Variants in SMIM36 observed in about 807,000 individuals in gnomAD.
SMIM36 encodes small integral membrane protein 36.
At chr17:55,515,084 G>GTTTTTTTTTTTTT (rs1567874075), upstream of SMIM36, among the ~76,000 whole-genome samples, 7 of 56,104 alleles carry the variant, frequency 1.2e-4, 2 homozygotes, top group Non-Finnish European at 2.8e-4. Context: ...TTCTAGTCTA[G>GTTTTTTTTTTTTT]TGTTTTTTTT....
intron 1 of SMIM36, among the ~76,000 whole-genome samples, chr17:55,498,263 G>A (rs1285890892): frequency 6.6e-6 from 1 of 152,126 alleles, no homozygotes; most frequent in Non-Finnish European, 1.5e-5. Context: ...TTCAAAATAA[G>A]ATTACATCCT....
chr17:55,486,315 G>A (rs1359826286), intron 1 of SMIM36, among the ~76,000 whole-genome samples: 1 of 152,128 alleles, frequency 6.6e-6, no homozygotes, highest in African/African-American at 2.4e-5. Flanking sequence ...AGGATTACAG[G>A]CGTGAGCTAT....
intron 3 of SMIM36, among the ~76,000 whole-genome samples, chr17:55,475,858 G>C (rs1909418440): frequency 6.6e-6 from 1 of 151,722 alleles, no homozygotes; most frequent in Non-Finnish European, 1.5e-5. Flanking sequence ...TATGACAAAT[G>C]CTCCTTCTCT....
the SMIM36 span, among the ~76,000 whole-genome samples, chr17:55,523,961 GGTTT>G: frequency 6.6e-6 from 1 of 151,762 alleles, no homozygotes; most frequent in Admixed American, 6.6e-5. Flanking sequence ...TACACGTGCA[GGTTT>G]GTTACATAGG....
chr17:55,466,710 T>C (rs556185852), intron 4 of SMIM36, among the ~76,000 whole-genome samples: 8 of 152,248 alleles, frequency 5.3e-5, no homozygotes, highest in African/African-American at 1.7e-4. Flanking sequence ...GGAGCTTTCA[T>C]TGAAGTGATT....
the SMIM36 span, among the ~76,000 whole-genome samples, chr17:55,516,607 G>A: frequency 2.3e-3 from 330 of 143,404 alleles, 2 homozygotes; most frequent in African/African-American, 8.5e-3. Context: ...CACCCAGGCT[G>A]GAGTGCAATG....
chr17:55,483,073 T>G (rs1909546326), intron 1 of SMIM36, among the ~76,000 whole-genome samples: 1 of 152,238 alleles, frequency 6.6e-6, no homozygotes, highest in Non-Finnish European at 1.5e-5. Context: ...CTATTATCCT[T>G]GCTTTTTAGA....
At chr17:55,508,286 T>C (rs2144723026) in intron 1 of SMIM36, among the ~76,000 whole-genome samples, 1 of 151,762 alleles carries the variant, frequency 6.6e-6, no homozygotes, top group South Asian at 2.1e-4. Context: ...GTTTTCTACC[T>C]CTAAGAGTGC....
the SMIM36 span, among the ~76,000 whole-genome samples, chr17:55,524,956 G>A: frequency 6.6e-6 from 1 of 152,140 alleles, no homozygotes. Flanking sequence ...GATCCTCCCA[G>A]CAACTCTATG....
At chr17:55,468,978 T>C (rs193079195) in intron 3 of SMIM36, among the ~76,000 whole-genome samples, 1 of 152,256 alleles carries the variant, frequency 6.6e-6, no homozygotes, top group East Asian at 1.9e-4. Flanking sequence ...GTCCAGGCAT[T>C]CTTTACACGT....
upstream of SMIM36, among the ~76,000 whole-genome samples, chr17:55,514,812 T>C: frequency 6.6e-6 from 1 of 152,222 alleles, no homozygotes; most frequent in East Asian, 1.9e-4. Flanking sequence ...AACATATTTT[T>C]GTATATCAAC....
At chr17:55,480,556 T>C (rs750470863) in intron 1 of SMIM36, among the ~76,000 whole-genome samples, 4 of 152,188 alleles carry the variant, frequency 2.6e-5, no homozygotes, top group African/African-American at 4.8e-5. Context: ...GGGGGATGCA[T>C]TGACTTACTC....
At chr17:55,496,826 T>G (rs933708512) in intron 1 of SMIM36, among the ~76,000 whole-genome samples, 8 of 152,198 alleles carry the variant, frequency 5.3e-5, no homozygotes, top group Admixed American at 5.2e-4. Flanking sequence ...TATAAAGTTA[T>G]AGTGTAAACT....
chr17:55,507,573 T>C lies in SMIM36; in HGVS notation c.*174+3306A>G, dbSNP rs566844624. On this transcript the variant is annotated intron_variant, in intron 1 of 4. Transcript: ENST00000636752. ...AAGGGGAATATCACACTCTGGGGAC[T>C]GTGGTGGGGTGGGGGGAGGGGGGAG... is the stretch of plus-strand genomic sequence containing the variant. 5.0e-3 allele frequency among the ~76,000 whole-genome samples: 465 copies of C among 92,286 alleles called. 9 individuals carry two copies. Among genetic ancestry groups the C allele is most frequent in the African/African-American group, 0.02 (449 of 22,486 alleles). The allele number at this position is 92,286 out of a possible 152,430, so 60.5% of individuals were successfully genotyped here. A position where few individuals can be genotyped will look rare whatever the true frequency, so the allele number is the denominator to read the frequency against.
At chr17:55,523,529 C>CA in the SMIM36 span, among the ~76,000 whole-genome samples, 3,414 of 61,584 alleles carry the variant, frequency 0.055, 93 homozygotes, top group African/African-American at 0.088. Flanking sequence ...GACTCCGTCT[C>CA]AAAAAAAAAA....
chr17:55,523,806 C>T, the SMIM36 span, among the ~76,000 whole-genome samples: 2 of 151,986 alleles, frequency 1.3e-5, no homozygotes, highest in Admixed American at 1.3e-4. Flanking sequence ...TATATGAAGC[C>T]GAATGGAAAA....
At chr17:55,463,384 T>C (rs1055794772) in intron 4 of SMIM36, among the ~76,000 whole-genome samples, 1 of 151,582 alleles carries the variant, frequency 6.6e-6, no homozygotes, top group African/African-American at 2.4e-5. Flanking sequence ...TGAGAACCCA[T>C]CCCTAAAAAA....
At chr17:55,511,803 T>C (rs959119836), upstream of SMIM36, among the ~76,000 whole-genome samples, 2 of 152,190 alleles carry the variant, frequency 1.3e-5, no homozygotes, top group Non-Finnish European at 2.9e-5. Context: ...GAAGATTAGG[T>C]CAGTAGGCTT....
chr17:55,483,708 C>T (rs1022998581), intron 1 of SMIM36, among the ~76,000 whole-genome samples: 12 of 152,174 alleles, frequency 7.9e-5, no homozygotes, highest in Non-Finnish European at 1.8e-4. Context: ...AATCTTGGCT[C>T]ACTGCAACCT....
Sources: gnomAD v4.1 joint callset for allele counts (sites outside exome capture counted in the v4.1 genomes callset) on GRCh38, gnomAD v4.1.1 for gene constraint, MANE v1.5 for transcripts, NCBI Gene and HGNC (gene_info 2026-07-23, HGNC 2026-07-21) for gene names.